The following XRN1 variants were observed in gnomAD, a reference collection of about 807,000 sequenced individuals.
XRN1 encodes strand-exchange protein 1 homolog.
In XRN1, 67 loss-of-function variants were observed where a neutral mutation model predicts 222.3. The ratio of observed to expected loss-of-function variants is 0.30; its 90% CI spans 0.25 to 0.37. XRN1 has a LOEUF of 0.37. Among genes scored for constraint, XRN1 ranks in the 10% least tolerant of loss-of-function variants. The pLI is 1.00. For synonymous variants in XRN1, 643 were observed against 652.4 expected, an observed-to-expected ratio of 0.99 and a Z score of 0.22; for missense variants, 1,707 against 2,000.2, an observed-to-expected ratio of 0.85 and a Z score of 2.80.
chr3:142,339,733 G>T (rs1414188482), intron 33 of XRN1, among the ~76,000 whole-genome samples: 1 of 151,428 alleles, frequency 6.6e-6, no homozygotes, highest in East Asian at 2.0e-4. Flanking sequence ...AGCCCAAGCG[G>T]TTGAGCCTGC....
At chr3:142,392,020 C>A (rs886134534) in intron 20 of XRN1, among the ~76,000 whole-genome samples, 1 of 151,888 alleles carries the variant, frequency 6.6e-6, no homozygotes, top group Non-Finnish European at 1.5e-5. Flanking sequence ...GGTCTTCTTC[C>A]ATTCCTAAAC....
At position 142,412,678 on chromosome 3, in the gene XRN1, A is replaced by C; in HGVS notation, c.1594-15T>G. 1 of 1,499,576 alleles carries C rather than the reference A, an allele frequency of 6.7e-7. No homozygotes were observed. The highest frequency in any genetic ancestry group is 9.1e-7 in the Non-Finnish European group (1 of 1,102,758). 92.9% of individuals were successfully genotyped at this position (1,499,576 alleles called of 1,614,324 possible). On this transcript the variant is annotated splice_polypyrimidine_tract_variant and intron_variant, in intron 14 of 40. Transcript: ENST00000392981. The stretch of plus-strand genomic sequence containing the variant: ...GTCATCAAATGCTGTGAAAATATGA[A>C]ATAGTATAATAGAAATATAAGAACT...
chr3:142,375,957 C>T lies in XRN1; in HGVS notation c.2832-13G>A. The T allele has an allele frequency of 6.3e-7, 1 of 1,595,758 alleles. No homozygotes were observed. The highest frequency in any genetic ancestry group is 8.5e-7 in the Non-Finnish European group (1 of 1,173,884). ...GTCTCCATGAGGGCTGAATTTAAAC[C>T]ACACATGCGCACACGTGCACACACA... On this transcript the variant is annotated splice_polypyrimidine_tract_variant and intron_variant, in intron 24 of 40. Transcript: ENST00000392981.
At position 142,447,275 on chromosome 3, in the gene XRN1, GTTTT is replaced by G. The variant is rs375648062; in HGVS notation, c.75+591_75+594del. Among the ~76,000 whole-genome samples, 2,498 of 152,296 alleles carry G rather than the reference GTTTT, an allele frequency of 0.016. 26 individuals are homozygous for G. Among genetic ancestry groups the G allele is most frequent in the South Asian group, 0.037 (178 of 4,826 alleles). On this transcript the variant is annotated intron_variant, in intron 1 of 40. Coordinates refer to ENST00000392981, the MANE Select transcript of XRN1 (RefSeq NM_001282857.2). The surrounding 1 kb of genome is among the most constrained non-coding windows in gnomAD (Gnocchi z 4.2). ...GCCCCACTCCCCAGCTGGCCCAAGA[GTTTT>G]TTGTTTTGGCAACAGGGGATTGGTG...
chr3:142,447,968 G>C lies in XRN1; in HGVS notation c.-24C>G. The stretch of plus-strand genomic sequence containing the variant: ...ATTTCGATCGTCAACACTAATCCCA[G>C]TCAGGGCCAAACCGAAACCAAACGC... On this transcript the variant is annotated 5_prime_UTR_variant, in exon 1 of 41. Coordinates refer to ENST00000392981, the MANE Select transcript of XRN1 (RefSeq NM_001282857.2). The surrounding 1 kb of genome is among the most constrained non-coding windows in gnomAD (Gnocchi z 4.2). The C allele has an allele frequency of 1.2e-6, 2 of 1,612,028 alleles. No individual in the cohort carries two copies. Among genetic ancestry groups the C allele is most frequent in the Non-Finnish European group, 1.7e-6 (2 of 1,179,106 alleles).
intron 18 of XRN1, among the ~76,000 whole-genome samples, chr3:142,402,763 C>A (rs1394778135): frequency 6.6e-6 from 1 of 152,088 alleles, no homozygotes; most frequent in Non-Finnish European, 1.5e-5. Context: ...ACTATCAACT[C>A]CCCTGTTTTA....
chr3:142,407,075 G>T (rs1034180468), intron 15 of XRN1, among the ~76,000 whole-genome samples: 10 of 152,180 alleles, frequency 6.6e-5, no homozygotes, highest in Non-Finnish European at 1.3e-4. Context: ...ATGCATGCCT[G>T]CTGCGTAAGT....
At chr3:142,383,629 C>A (rs2067383240) in intron 21 of XRN1, among the ~76,000 whole-genome samples, 1 of 152,168 alleles carries the variant, frequency 6.6e-6, no homozygotes, top group South Asian at 2.1e-4. Flanking sequence ...TCATGACAAA[C>A]CTCTGTGGCA....
At chr3:142,371,705 C>T (rs2066996717) in intron 25 of XRN1, among the ~76,000 whole-genome samples, 1 of 152,192 alleles carries the variant, frequency 6.6e-6, no homozygotes. Flanking sequence ...AAAGCATCTT[C>T]TGATAATTTT....
chr3:142,447,754 T>G lies in XRN1; in HGVS notation c.75+116A>C. ...CTTCCGTCCCCCTCCCTAATGCCACTAATCGTCCAGACGACGAGGGGAAAG... is the reference window on the plus strand; with the variant it reads ...CTTCCGTCCCCCTCCCTAATGCCACGAATCGTCCAGACGACGAGGGGAAAG... On this transcript the variant is annotated intron_variant, in intron 1 of 40. Coordinates refer to ENST00000392981, the MANE Select transcript of XRN1 (RefSeq NM_001282857.2). The surrounding 1 kb of genome is among the most constrained non-coding windows in gnomAD (Gnocchi z 4.2). 1.6e-6 allele frequency: 2 copies of G among 1,228,896 alleles called. No homozygotes were observed. The highest frequency in any genetic ancestry group is 2.3e-6 in the Non-Finnish European group (2 of 868,128). 76.1% of individuals were successfully genotyped at this position (1,228,896 alleles called of 1,614,324 possible). A position where few individuals can be genotyped will look rare whatever the true frequency, so the allele number is the denominator to read the frequency against.
At chr3:142,384,721 ATGAG>A in intron 20 of XRN1, 36 bp from the exon 21 acceptor site, 1 of 1,454,698 alleles carries the variant, frequency 6.9e-7, no homozygotes, top group South Asian at 1.3e-5. Context: ...ATACATATGA[ATGAG>A]TATGCAGATA....
intron 37 of XRN1, among the ~76,000 whole-genome samples, chr3:142,328,900 C>G (rs2065612369): frequency 6.7e-6 from 1 of 149,898 alleles, no homozygotes; most frequent in South Asian, 2.1e-4. Context: ...GGACTACAGG[C>G]TCACAACACA....
intron 10 of XRN1, 42 bp from the exon 11 acceptor site, chr3:142,418,923 T>G (rs1220028547): frequency 6.4e-7 from 1 of 1,572,704 alleles, no homozygotes; most frequent in Non-Finnish European, 8.8e-7. Context: ...GCAAGATACA[T>G]TTCAAAATGA....
At position 142,335,491 on chromosome 3, in the gene XRN1, C is replaced by T; in HGVS notation, c.3896G>A (p.Ser1299Asn). Residue 1299 changes from serine (S) to asparagine (N), a missense_variant, in exon 34 of 41, where the codon AGT becomes AAT. Transcript: ENST00000392981. The stretch of plus-strand genomic sequence containing the variant: ...TTGGGACCAACACTCAGCTTTAGGA[C>T]TCTTACACTCTTCTTTAACTAGAGA... Reference protein sequence around the residue: ...PHRKFKEECKSPKAECWSQKM... With the variant: ...PHRKFKEECKNPKAECWSQKM... 6.2e-7 allele frequency: 1 copy of T among 1,613,764 alleles called. No homozygotes were observed. Among genetic ancestry groups the T allele is most frequent in the South Asian group, 1.1e-5 (1 of 91,018 alleles).
chr3:142,384,509 T>C lies in XRN1; in HGVS notation c.2502+14A>G. Reference sequence around the variant, plus strand: ...TGTATATTAAGACAGAATTGAAACTTGATATAGACTTACCTTGACAATAGT... The same window carrying C: ...TGTATATTAAGACAGAATTGAAACTCGATATAGACTTACCTTGACAATAGT... On this transcript the variant is annotated intron_variant, in intron 21 of 40. Transcript: ENST00000392981. The C allele has an allele frequency of 6.3e-7, 1 of 1,599,624 alleles. No individual in the cohort carries two copies. Among genetic ancestry groups the C allele is most frequent in the Non-Finnish European group, 8.5e-7 (1 of 1,174,594 alleles).
intron 22 of XRN1, among the ~76,000 whole-genome samples, chr3:142,382,022 T>A (rs2067321569): frequency 6.6e-6 from 1 of 152,240 alleles, no homozygotes; most frequent in Non-Finnish European, 1.5e-5. Context: ...GAATACTGCA[T>A]AGGTGATGTG....
At chr3:142,442,666 G>T (rs572046088) in intron 1 of XRN1, among the ~76,000 whole-genome samples, 15 of 152,298 alleles carry the variant, frequency 9.8e-5, no homozygotes, top group African/African-American at 2.6e-4. Flanking sequence ...CAGATAGTTA[G>T]GGCCTGTAAA....
chr3:142,327,168 T>TC lies in XRN1; in HGVS notation c.4404+2265_4404+2266insG, dbSNP rs567100375. Reference sequence around the variant, plus strand: ...TCCTCCTCAAGTTTTTGGAACAGTCTGAGTAGAACTCTTATTAGCTCTTCT... The same window carrying TC: ...TCCTCCTCAAGTTTTTGGAACAGTCTCGAGTAGAACTCTTATTAGCTCTTCT... On this transcript the variant is annotated intron_variant, in intron 37 of 40. Coordinates refer to ENST00000392981, the MANE Select transcript of XRN1 (RefSeq NM_001282857.2). Among the ~76,000 whole-genome samples, 12 of 152,308 alleles carry TC rather than the reference T, an allele frequency of 7.9e-5. No homozygotes were observed. In the South Asian group the frequency reaches 2.5e-3, roughly 32 times the overall value.
intron 22 of XRN1, among the ~76,000 whole-genome samples, chr3:142,382,958 C>T (rs566890236): frequency 6.6e-5 from 10 of 152,082 alleles, no homozygotes; most frequent in African/African-American, 2.4e-4. Context: ...CAAATATGAA[C>T]GCATTTACAA....
Sources: allele counts gnomAD v4.1 joint callset (sites outside exome capture counted in the v4.1 genomes callset), GRCh38; gene constraint gnomAD v4.1.1; non-coding constraint Gnocchi (gnomAD v3.1); transcripts MANE v1.5; gene names NCBI Gene and HGNC (gene_info 2026-07-23, HGNC 2026-07-21).